Variants in CLVS1 observed in about 807,000 individuals in gnomAD.
CLVS1 encodes the protein clavesin 1, also known as clavesin-1.
A neutral mutation model predicts 33.1 loss-of-function variants in CLVS1; 10 were observed. The observed-to-expected ratio is 0.30, with a 90% CI of 0.19 to 0.51. The LOEUF (loss-of-function observed/expected upper bound fraction) is 0.51. CLVS1 is among the 20% of genes least tolerant of loss of function. The pLI is 0.97. For synonymous variants in CLVS1, 163 were observed against 166.1 expected, an observed-to-expected ratio of 0.98 and a Z score of 0.14; for missense variants, 343 against 433.4, an observed-to-expected ratio of 0.79 and a Z score of 1.85.
rs181157218 is a variant in CLVS1, at chr8:61,068,830, G to A, written c.-243+11600G>A. Reference sequence around the variant, plus strand: ...ACACACACACCTCCCGGGGTCTCTCGAATTGTTCCTTCTCTTCCTACCGAT... The same window carrying A: ...ACACACACACCTCCCGGGGTCTCTCAAATTGTTCCTTCTCTTCCTACCGAT... On this transcript the variant is annotated intron_variant, in intron 1 of 2. Coordinates refer to the CLVS1 transcript ENST00000522621. Among the ~76,000 whole-genome samples, 1,346 of 152,174 alleles carry A rather than the reference G, an allele frequency of 8.8e-3. 14 individuals carry two copies. The highest frequency in any genetic ancestry group is 0.013 in the Non-Finnish European group (854 of 68,000).
the CLVS1 span, among the ~76,000 whole-genome samples, chr8:61,023,460 C>T: frequency 1.3e-4 from 20 of 152,218 alleles, no homozygotes; most frequent in Admixed American, 1.2e-3. Context: ...CCCTGCCATG[C>T]ACCATTACAT....
In CLVS1 at chr8:61,418,293, G is replaced by A. The variant is rs181353989; in HGVS notation, c.631-35848G>A. ...AGGCAGGAGGATCGCTTGAACCCAC[G>A]AGTTTGTGACCAGCCTGGGCAACAT... On this transcript the variant is annotated intron_variant, in intron 3 of 5. Transcript: ENST00000325897. Among the ~76,000 whole-genome samples, 15 of 152,212 alleles carry A rather than the reference G, an allele frequency of 9.9e-5. 1 individual carries two copies. Among genetic ancestry groups the A allele is most frequent in the Admixed American group, 5.9e-4 (9 of 15,292 alleles).
rs190430344 is a variant in CLVS1, at chr8:61,279,283, C to T, written c.-151-20394C>T. Among the ~76,000 whole-genome samples, 694 of 152,266 alleles carry T rather than the reference C, an allele frequency of 4.6e-3. 18 individuals are homozygous for T. Among genetic ancestry groups the T allele is most frequent in the Admixed American group, 0.032 (491 of 15,298 alleles). ...TCCCATCAGGCAGTGAGGCGAAGGC[C>T]ATTCTTGGCCAGAGGTGTCTTAGTT... On this transcript the variant is annotated intron_variant, in intron 2 of 2. Transcript: ENST00000522621.
At chr8:61,248,224 T>A (rs1296145339) in intron 2 of CLVS1, among the ~76,000 whole-genome samples, 1 of 152,114 alleles carries the variant, frequency 6.6e-6, no homozygotes, top group Non-Finnish European at 1.5e-5. Context: ...AACATGATTC[T>A]TCCAGCTTTG....
At chr8:61,128,259 G>C (rs1806016052) in intron 1 of CLVS1, among the ~76,000 whole-genome samples, 1 of 152,152 alleles carries the variant, frequency 6.6e-6, no homozygotes, top group Non-Finnish European at 1.5e-5. Flanking sequence ...TTGTTTCCAG[G>C]AAGTCCCTGC....
intron 2 of CLVS1, among the ~76,000 whole-genome samples, chr8:61,356,894 C>A (rs567668650): frequency 5.3e-5 from 8 of 152,076 alleles, no homozygotes; most frequent in South Asian, 2.1e-4. Flanking sequence ...CTTGGCAATG[C>A]GGGCTCTTTT....
At position 61,197,833 on chromosome 8, in the gene CLVS1, T is replaced by C. The variant is rs1239329207; in HGVS notation, c.-152+65973T>C. On this transcript the variant is annotated intron_variant, in intron 2 of 2. Coordinates refer to the CLVS1 transcript ENST00000522621. ...CAGTTTCATTCATACCCAGTATGGC[T>C]TTACTCTCCACTGTGAAAGGGCAGC... Among the ~76,000 whole-genome samples the C allele has an allele frequency of 5.3e-5, 8 of 152,290 alleles. No homozygotes were observed. The East Asian group carries it at 1.5e-3, about 29-fold the overall frequency.
intron 2 of CLVS1, among the ~76,000 whole-genome samples, chr8:61,349,060 T>C (rs1489312156): frequency 1.3e-5 from 2 of 152,144 alleles, no homozygotes; most frequent in African/African-American, 4.8e-5. Context: ...GCCCATTTAA[T>C]TGGGTTGTTT....
intron 1 of CLVS1, among the ~76,000 whole-genome samples, chr8:61,073,739 G>A (rs979146717): frequency 6.6e-6 from 1 of 151,988 alleles, no homozygotes; most frequent in African/African-American, 2.4e-5. Context: ...AAGGCCGGGC[G>A]CAGTGGCTCA....
chr8:61,424,164 A>G (rs767470730), intron 3 of CLVS1, among the ~76,000 whole-genome samples: 3 of 152,160 alleles, frequency 2.0e-5, no homozygotes, highest in Non-Finnish European at 4.4e-5. Flanking sequence ...TGTCCACTAT[A>G]ATCATTCACC....
At chr8:61,179,792 A>G (rs549977271) in intron 2 of CLVS1, among the ~76,000 whole-genome samples, 1 of 152,342 alleles carries the variant, frequency 6.6e-6, no homozygotes, top group Admixed American at 6.5e-5. Flanking sequence ...CTTGGAAACC[A>G]ATGAGAACAA....
At chr8:60,990,170 T>C in the CLVS1 span, among the ~76,000 whole-genome samples, 1 of 132,968 alleles carries the variant, frequency 7.5e-6, no homozygotes, top group African/African-American at 2.8e-5. Context: ...GAGGAAACGA[T>C]GGAATGAGAG....
intron 3 of CLVS1, among the ~76,000 whole-genome samples, chr8:61,395,420 G>A (rs1417173504): frequency 6.6e-6 from 1 of 152,144 alleles, no homozygotes; most frequent in African/African-American, 2.4e-5. Flanking sequence ...TAATAATAAT[G>A]TATCGTATAT....
At chr8:61,445,787 T>C (rs1193655916) in intron 3 of CLVS1, among the ~76,000 whole-genome samples, 2 of 152,224 alleles carry the variant, frequency 1.3e-5, no homozygotes, top group African/African-American at 4.8e-5. Context: ...AGTAAAATCA[T>C]TTGAGCCAGA....
In CLVS1 at chr8:61,186,438, C is replaced by T. The variant is rs116154891; in HGVS notation, c.-152+54578C>T. 5.2e-3 allele frequency among the ~76,000 whole-genome samples: 779 copies of T among 150,684 alleles called. 9 individuals carry two copies. The highest frequency in any genetic ancestry group is 0.018 in the African/African-American group (745 of 40,566). On this transcript the variant is annotated intron_variant, in intron 2 of 2. Coordinates refer to the CLVS1 transcript ENST00000522621. ...CACTGCAAACATTGAGAAGGAAAGACAGGTGAGGCCAAGTGTCTCAGGATG... is the reference window on the plus strand; with the variant it reads ...CACTGCAAACATTGAGAAGGAAAGATAGGTGAGGCCAAGTGTCTCAGGATG...
At chr8:61,257,008 A>G (rs889660312) in intron 2 of CLVS1, among the ~76,000 whole-genome samples, 4 of 152,222 alleles carry the variant, frequency 2.6e-5, no homozygotes, top group Non-Finnish European at 5.9e-5. Context: ...TTCCCATGCA[A>G]ATGAAACATT....
chr8:61,088,398 G>A (rs1805163381), intron 1 of CLVS1, among the ~76,000 whole-genome samples: 1 of 148,724 alleles, frequency 6.7e-6, no homozygotes, highest in Non-Finnish European at 1.5e-5. Context: ...GCTGAGGCAG[G>A]AGAATCACTT....
At chr8:61,022,514 A>G in the CLVS1 span, among the ~76,000 whole-genome samples, 6 of 152,368 alleles carry the variant, frequency 3.9e-5, no homozygotes, top group Non-Finnish European at 5.9e-5. Context: ...GTTGTAAAAA[A>G]TTGAATAAAT....
intron 2 of CLVS1, among the ~76,000 whole-genome samples, chr8:61,322,680 T>A (rs905312236): frequency 6.6e-6 from 1 of 152,142 alleles, no homozygotes; most frequent in Non-Finnish European, 1.5e-5. Context: ...GAAACAGGAA[T>A]GGACTATTCA....
Sources: gnomAD v4.1 joint callset for allele counts (sites outside exome capture counted in the v4.1 genomes callset) on GRCh38, gnomAD v4.1.1 for gene constraint, MANE v1.5 for transcripts, NCBI Gene and HGNC (gene_info 2026-07-23, HGNC 2026-07-21) for gene names.